The following PHKA1 variants were observed in gnomAD, a reference collection of about 807,000 sequenced individuals.
PHKA1 encodes phosphorylase kinase regulatory subunit alpha 1, also known as phosphorylase b kinase regulatory subunit alpha, skeletal muscle isoform.
In PHKA1, 60 loss-of-function variants were observed where a neutral mutation model predicts 110.2. The ratio of observed to expected loss-of-function variants is 0.54; its 90% CI spans 0.44 to 0.68. The LOEUF (loss-of-function observed/expected upper bound fraction) is 0.68, where lower values mean the gene tolerates loss of function less well. Ranked by LOEUF, PHKA1 falls within the 30% of genes least tolerant of loss-of-function variation. PHKA1 has a pLI of 0.00. For missense variants in PHKA1, 801 were observed against 942.5 expected (o/e 0.85, Z 1.97); for synonymous variants, 316 against 333.6 (o/e 0.95, Z 0.58).
At chrX:72,660,584 C>A in intron 8 of PHKA1, 2 of 362,822 alleles carry the variant, frequency 5.5e-6, no homozygotes, top group African/African-American at 2.6e-5. Flanking sequence ...TAAAACAGGG[C>A]TTTATGGTAA....
chrX:72,655,043 C>T (rs1225471192), intron 10 of PHKA1, among the ~76,000 whole-genome samples: 5 of 110,274 alleles, frequency 4.5e-5, no homozygotes, highest in Non-Finnish European at 1.9e-5. Flanking sequence ...GTGATCCGCC[C>T]GCCTCGGCCT....
At chrX:72,654,448 C>T (rs2053466414) in intron 10 of PHKA1, among the ~76,000 whole-genome samples, 1 of 111,426 alleles carries the variant, frequency 9.0e-6, no homozygotes, top group Admixed American at 9.6e-5. Context: ...AAATTTTCCT[C>T]TCTGTTTTAT....
intron 28 of PHKA1, among the ~76,000 whole-genome samples, chrX:72,600,664 G>A (rs2052646688): frequency 9.0e-6 from 1 of 111,115 alleles, no homozygotes; most frequent in Non-Finnish European, 1.9e-5. Context: ...TTCAAGCACT[G>A]GCTCATTGTC....
Position 72,579,442 on chromosome X carries a change from G to C in PHKA1, c.*1560C>G, listed in dbSNP as rs1556196762. The stretch of plus-strand genomic sequence containing the variant: ...AACTTTAGAAATCCAAGATAAAGGA[G>C]GGGGTTGAAGTAGGAAGTTATCTAA... On this transcript the variant is annotated 3_prime_UTR_variant, in exon 32 of 32. Coordinates refer to ENST00000373542, the MANE Select transcript of PHKA1 (RefSeq NM_002637.4). 1 of 111,862 alleles carries C rather than the reference G, an allele frequency of 8.9e-6. No individual in the cohort carries two copies. The highest frequency in any genetic ancestry group is 1.9e-5 in the Non-Finnish European group (1 of 53,206). 9.2% of individuals were successfully genotyped at this position (111,862 alleles called of 1,213,427 possible).
intron 23 of PHKA1, among the ~76,000 whole-genome samples, chrX:72,606,057 T>C (rs2052723412): frequency 8.9e-6 from 1 of 112,195 alleles, no homozygotes; most frequent in Admixed American, 9.5e-5. Context: ...GGATGTGTAA[T>C]GATCAAGTCA....
intron 5 of PHKA1, among the ~76,000 whole-genome samples, chrX:72,677,255 T>C (rs782350857): frequency 1.1e-4 from 12 of 112,550 alleles, no homozygotes; most frequent in African/African-American, 3.5e-4. Flanking sequence ...CAGTGCATCA[T>C]AGCAGGGATA....
intron 14 of PHKA1, among the ~76,000 whole-genome samples, chrX:72,642,997 T>C (rs1556296103): frequency 9.0e-6 from 1 of 111,300 alleles, no homozygotes; most frequent in African/African-American, 3.3e-5. Flanking sequence ...GCCATGTTAA[T>C]AGCTCCGGAA....
rs184838667 is a variant in PHKA1, at chrX:72,619,190, G to A, written c.2229+24C>T. On this transcript the variant is annotated intron_variant, in intron 20 of 31. Coordinates refer to ENST00000373542, the MANE Select transcript of PHKA1 (RefSeq NM_002637.4). ...ATGGCAGTTTTTCAAAAAGCTAATA[G>A]AAATACCTCCTGCACAAATTTACCT... The A allele has an allele frequency of 1.4e-4, 138 of 990,429 alleles. 1 individual carries two copies. In the African/African-American group the frequency reaches 2.1e-3, roughly 15 times the overall value. The allele number at this position is 990,429 out of a possible 1,213,427, so 81.6% of individuals were successfully genotyped here.
chrX:72,625,452 T>C (rs782272823), intron 17 of PHKA1, among the ~76,000 whole-genome samples: 23 of 111,837 alleles, frequency 2.1e-4, no homozygotes, highest in Non-Finnish European at 3.8e-4. Context: ...TGTTCTTTTT[T>C]ATGGCACTGT....
At chrX:72,604,644 T>C (rs1309772457) in intron 25 of PHKA1, among the ~76,000 whole-genome samples, 1 of 111,653 alleles carries the variant, frequency 9.0e-6, no homozygotes, top group East Asian at 2.8e-4. Flanking sequence ...TATTTTGCAA[T>C]TCTTGTTGAA....
chrX:72,656,284 G>C (rs782341438), intron 9 of PHKA1, 42 bp from the exon 10 acceptor site: 8 of 1,174,721 alleles, frequency 6.8e-6, no homozygotes, highest in Non-Finnish European at 9.3e-6. Flanking sequence ...TCAGAGGTTA[G>C]ATGTATATCT....
intron 5 of PHKA1, among the ~76,000 whole-genome samples, chrX:72,678,755 T>C (rs1161829991): frequency 8.9e-6 from 1 of 112,006 alleles, no homozygotes; most frequent in Non-Finnish European, 1.9e-5. Flanking sequence ...AACATAATGG[T>C]TTTCAATACA....
At position 72,653,380 on chromosome X, in the gene PHKA1, C is replaced by A. The variant is rs2053452692; in HGVS notation, c.1137+55G>T. 7.9e-6 allele frequency: 6 copies of A among 760,761 alleles called. No homozygotes were observed. In the South Asian group the frequency reaches 1.3e-4, roughly 16 times the overall value. The allele number at this position is 760,761 out of a possible 1,213,427, so 62.7% of individuals were successfully genotyped here. On this transcript the variant is annotated intron_variant, in intron 11 of 31. Transcript: ENST00000373542. ...TTTGACTCAAATGAGGTAGTCTGAT[C>A]AAGGTACTGCTCCTCTTCTCTATCA...
At chrX:72,631,441 A>G (rs1298138293) in intron 16 of PHKA1, among the ~76,000 whole-genome samples, 1 of 110,720 alleles carries the variant, frequency 9.0e-6, no homozygotes, top group Non-Finnish European at 1.9e-5. Context: ...AGAGCTGTGC[A>G]AGCGTGGAAG....
chrX:72,627,811 C>CTTTTT (rs1160541868), intron 16 of PHKA1, among the ~76,000 whole-genome samples: 21 of 67,854 alleles, frequency 3.1e-4, no homozygotes, highest in African/African-American at 7.9e-4. Flanking sequence ...TTTTCCTACA[C>CTTTTT]TTTTTTTTTT....
intron 24 of PHKA1, 27 bp downstream of exon 24, chrX:72,605,508 AGTCACC>A: frequency 8.6e-7 from 1 of 1,166,658 alleles, no homozygotes; most frequent in East Asian, 3.0e-5. Context: ...TTAAAATATC[AGTCACC>A]AGATTAGCCT....
chrX:72,707,535 T>C (rs2054305488), intron 2 of PHKA1, among the ~76,000 whole-genome samples: 1 of 110,041 alleles, frequency 9.1e-6, no homozygotes, highest in Non-Finnish European at 1.9e-5. Context: ...AGAGGCCAGG[T>C]TCAGAAAAAG....
chrX:72,580,826 G>A lies in PHKA1; in HGVS notation c.*176C>T. On this transcript the variant is annotated 3_prime_UTR_variant, in exon 32 of 32. Coordinates refer to ENST00000373542, the MANE Select transcript of PHKA1 (RefSeq NM_002637.4). Reference sequence around the variant, plus strand: ...TTCTGCAAGGTGAGCCTCCAGGTAAGTGTTCACTTCTTCTACAGTAGTTAG... The same window carrying A: ...TTCTGCAAGGTGAGCCTCCAGGTAAATGTTCACTTCTTCTACAGTAGTTAG... 1 of 481,514 alleles carries A rather than the reference G, an allele frequency of 2.1e-6. No individual in the cohort carries two copies. The highest frequency in any genetic ancestry group is 3.7e-6 in the Non-Finnish European group (1 of 270,698). 39.7% of individuals were successfully genotyped at this position (481,514 alleles called of 1,213,427 possible).
At position 72,580,162 on chromosome X, in the gene PHKA1, G is replaced by C. The variant is rs1187397213; in HGVS notation, c.*840C>G. 1.8e-5 allele frequency: 2 copies of C among 111,832 alleles called. No homozygotes were observed. Among genetic ancestry groups the C allele is most frequent in the Admixed American group, 9.5e-5 (1 of 10,579 alleles). 9.2% of individuals were successfully genotyped at this position (111,832 alleles called of 1,213,427 possible). On this transcript the variant is annotated 3_prime_UTR_variant, in exon 32 of 32. Coordinates refer to ENST00000373542, the MANE Select transcript of PHKA1 (RefSeq NM_002637.4). ...ATGTATAAGACATTGTCCAGGCATC[G>C]TCTCTTCTTTCCCTTCCTCTCTGGA... is the stretch of plus-strand genomic sequence containing the variant.
Sources: gnomAD v4.1 joint callset for allele counts (sites outside exome capture counted in the v4.1 genomes callset) on GRCh38, gnomAD v4.1.1 for gene constraint, MANE v1.5 for transcripts, NCBI Gene and HGNC (gene_info 2026-07-23, HGNC 2026-07-21) for gene names.